Variants in STMN2 observed in about 807,000 individuals in gnomAD.
STMN2 encodes stathmin 2.
In STMN2, 2 loss-of-function variants were observed where a neutral mutation model predicts 24.1. The observed-to-expected ratio is 0.08, with a 90% CI of 0.03 to 0.26. STMN2 has a LOEUF of 0.26. Among genes scored for constraint, STMN2 ranks in the 10% least tolerant of loss-of-function variants. STMN2 has a pLI of 1.00. For synonymous variants in STMN2, 83 were observed against 77.5 expected, an observed-to-expected ratio of 1.07 and a Z score of -0.37; for missense variants, 114 against 213.6, an observed-to-expected ratio of 0.53 and a Z score of 2.91.
intron 1 of STMN2, among the ~76,000 whole-genome samples, chr8:79,618,534 T>C (rs566572694): frequency 1.3e-5 from 2 of 152,334 alleles, no homozygotes; most frequent in East Asian, 3.9e-4. Context: ...TTAGATGTTA[T>C]TTCAAGATTC....
chr8:79,633,343 G>T (rs1472369699), intron 1 of STMN2, among the ~76,000 whole-genome samples: 1 of 152,170 alleles, frequency 6.6e-6, no homozygotes, highest in Non-Finnish European at 1.5e-5. Flanking sequence ...ACAAATAACA[G>T]TAAAGATAAA....
chr8:79,631,736 G>A (rs1012425496), intron 1 of STMN2, among the ~76,000 whole-genome samples: 4 of 152,070 alleles, frequency 2.6e-5, no homozygotes, highest in South Asian at 2.1e-4. Flanking sequence ...TTTTAAATGG[G>A]ATTACATATC....
intron 3 of STMN2, among the ~76,000 whole-genome samples, chr8:79,653,648 T>C (rs1296367801): frequency 6.6e-6 from 1 of 152,222 alleles, no homozygotes; most frequent in African/African-American, 2.4e-5. Context: ...CCACAACCAC[T>C]ACCATCAACT....
chr8:79,640,193 C>G (rs1033000893), intron 2 of STMN2, among the ~76,000 whole-genome samples: 1 of 152,132 alleles, frequency 6.6e-6, no homozygotes. Flanking sequence ...AGGGAAACTC[C>G]GTCTCAATAA....
Position 79,631,484 on chromosome 8 carries a change from G to A in STMN2, c.20-5318G>A, listed in dbSNP as rs1400638771. 4 of 965,850 alleles carry A rather than the reference G, an allele frequency of 4.1e-6. No homozygotes were observed. In the East Asian group the frequency reaches 3.4e-4, roughly 83 times the overall value. 59.8% of individuals were successfully genotyped at this position (965,850 alleles called of 1,614,324 possible). ...AAGCAATTAGCATTACATCATCACAGCAGAAATATCTAGAATATTACCTCA... is the reference window on the plus strand; with the variant it reads ...AAGCAATTAGCATTACATCATCACAACAGAAATATCTAGAATATTACCTCA... On this transcript the variant is annotated intron_variant, in intron 1 of 4. Transcript: ENST00000220876.
chr8:79,664,721 C>A, intron 4 of STMN2, 94 bp from the exon 5 acceptor site: 1 of 1,182,838 alleles, frequency 8.5e-7, no homozygotes, highest in Non-Finnish European at 1.2e-6. Flanking sequence ...TAAAAGTAGA[C>A]ACCAAACTGG....
chr8:79,611,551 T>G (rs1809220295), intron 1 of STMN2, among the ~76,000 whole-genome samples: 1 of 150,604 alleles, frequency 6.6e-6, no homozygotes, highest in South Asian at 2.1e-4. Context: ...TAAGGGACAT[T>G]TTGGAAAGTG....
chr8:79,664,758 G>T, intron 4 of STMN2, 57 bp from the exon 5 acceptor site: 2 of 1,574,590 alleles, frequency 1.3e-6, no homozygotes, highest in Non-Finnish European at 1.7e-6. Context: ...CGCATGGTAC[G>T]CAAAGGACCA....
chr8:79,646,860 A>G (rs1287467903), intron 3 of STMN2, among the ~76,000 whole-genome samples: 1 of 152,222 alleles, frequency 6.6e-6, no homozygotes, highest in East Asian at 1.9e-4. Context: ...CTAGACTAAG[A>G]CAGTGATTCC....
intron 3 of STMN2, among the ~76,000 whole-genome samples, chr8:79,646,063 A>T (rs1413379831): frequency 6.6e-6 from 1 of 152,178 alleles, no homozygotes; most frequent in Non-Finnish European, 1.5e-5. Flanking sequence ...TTTTAAGTAA[A>T]TTAATAAATA....
At chr8:79,662,885 C>G (rs1184811202) in intron 4 of STMN2, among the ~76,000 whole-genome samples, 1 of 152,054 alleles carries the variant, frequency 6.6e-6, no homozygotes, top group African/African-American at 2.4e-5. Flanking sequence ...GAGCTCAGCT[C>G]TCACTAATTA....
rs1809510444 is a variant in STMN2 at position 79,621,317 on chromosome 8, G to A, written c.19+10103G>A. The stretch of plus-strand genomic sequence containing the variant: ...GTCAAGTAGTATATAAATGCAAGAA[G>A]TTGAGTTTTTAAATTGTCATTAGAT... On this transcript the variant is annotated intron_variant, in intron 1 of 4. Transcript: ENST00000220876. 2.6e-5 allele frequency among the ~76,000 whole-genome samples: 4 copies of A among 152,200 alleles called. No individual in the cohort carries two copies. The South Asian group carries it at 8.3e-4, about 31-fold the overall frequency.
intron 3 of STMN2, among the ~76,000 whole-genome samples, chr8:79,651,125 T>C (rs915773048): frequency 1.3e-5 from 2 of 152,206 alleles, no homozygotes. Flanking sequence ...TGTGAGTTAA[T>C]AGTGGATATA....
chr8:79,654,709 A>G (rs562986259), intron 3 of STMN2, among the ~76,000 whole-genome samples, 162 bp from the exon 4 acceptor site: 2 of 152,216 alleles, frequency 1.3e-5, no homozygotes, highest in Admixed American at 6.5e-5. Context: ...GCCACATTCT[A>G]TAGAAAACTC....
At chr8:79,613,775 G>C in intron 1 of STMN2, 1 of 985,362 alleles carries the variant, frequency 1.0e-6, no homozygotes, top group Non-Finnish European at 1.2e-6. Context: ...TTTGTCTCCA[G>C]TTGTTCATTT....
intron 3 of STMN2, among the ~76,000 whole-genome samples, chr8:79,651,362 C>G (rs1810330714): frequency 6.6e-6 from 1 of 152,190 alleles, no homozygotes. Context: ...GTACTAACCC[C>G]ATTAAATTGA....
intron 1 of STMN2, among the ~76,000 whole-genome samples, chr8:79,614,740 G>A (rs1054738894): frequency 6.6e-6 from 1 of 152,174 alleles, no homozygotes; most frequent in African/African-American, 2.4e-5. Context: ...CAGATTTGTA[G>A]TAAATTATTC....
At chr8:79,650,267 G>A (rs1022169401) in intron 3 of STMN2, among the ~76,000 whole-genome samples, 1 of 152,086 alleles carries the variant, frequency 6.6e-6, no homozygotes, top group African/African-American at 2.4e-5. Context: ...AACTTTTAGC[G>A]ATTTTCTCAC....
At chr8:79,655,398 G>A (rs1806319764) in intron 4 of STMN2, among the ~76,000 whole-genome samples, 1 of 151,852 alleles carries the variant, frequency 6.6e-6, no homozygotes, top group African/African-American at 2.4e-5. Flanking sequence ...AAATATTAAT[G>A]TCTATATATT....
Sources: allele counts gnomAD v4.1 joint callset (sites outside exome capture counted in the v4.1 genomes callset), GRCh38; gene constraint gnomAD v4.1.1; transcripts MANE v1.5; gene names NCBI Gene and HGNC (gene_info 2026-07-23, HGNC 2026-07-21).